The following STXBP5 variants were observed in gnomAD, a reference collection of about 807,000 sequenced individuals.
STXBP5 encodes syntaxin binding protein 5.
In STXBP5, 50 loss-of-function variants were observed where a neutral mutation model predicts 152.4. The observed-to-expected ratio is 0.33, with a 90% CI of 0.26 to 0.42. The LOEUF is 0.42. STXBP5 is among the 10% of genes least tolerant of loss of function. The pLI, the probability that STXBP5 is intolerant of heterozygous loss-of-function variation, is 1.00. For synonymous variants in STXBP5, 492 were observed against 494.7 expected, an observed-to-expected ratio of 0.99 and a Z score of 0.07; for missense variants, 1,167 against 1,388.6, an observed-to-expected ratio of 0.84 and a Z score of 2.54.
chr6:147,278,266 A>AGTTTGCATTCTGATTTGTTT, intron 8 of STXBP5, 62 bp downstream of exon 8: 2 of 1,424,292 alleles, frequency 1.4e-6, no homozygotes, highest in Non-Finnish European at 1.9e-6. Context: ...GTTTTGTTTG[A>AGTTTGCATTCTGATTTGTTT]GTTTGCATTC....
At chr6:147,367,824 A>G (rs1338799768) in intron 25 of STXBP5, among the ~76,000 whole-genome samples, 1 of 152,196 alleles carries the variant, frequency 6.6e-6, no homozygotes, top group Non-Finnish European at 1.5e-5. Context: ...CAGTAATAAG[A>G]GAAGTCTCAT....
At chr6:147,313,862 T>G (rs548212687) in intron 11 of STXBP5, 22 bp from the exon 12 acceptor site, 1 of 1,447,514 alleles carries the variant, frequency 6.9e-7, no homozygotes, top group African/African-American at 1.4e-5. Context: ...TAATAAATAC[T>G]TTTCTTTTTC....
At position 147,273,820 on chromosome 6, in the gene STXBP5, T is replaced by A. The variant is rs546937394; in HGVS notation, c.715-4261T>A. Among the ~76,000 whole-genome samples the A allele has an allele frequency of 1.1e-4, 17 of 151,872 alleles. No individual in the cohort carries two copies. The East Asian group carries it at 2.5e-3, about 23-fold the overall frequency. On this transcript the variant is annotated intron_variant, in intron 7 of 27. Transcript: ENST00000321680. ...CAAAAAAACTAGCCAGGTGTGGTGG[T>A]GGGCACCTGTAGTCCCAGCTACTCG...
At chr6:147,354,851 C>T (rs1359374646) in intron 22 of STXBP5, among the ~76,000 whole-genome samples, 6 of 152,046 alleles carry the variant, frequency 3.9e-5, no homozygotes, top group African/African-American at 1.4e-4. Context: ...TGTAACATTC[C>T]TGTGTTGCCT....
chr6:147,361,070 A>C (rs934827578), intron 23 of STXBP5, among the ~76,000 whole-genome samples: 9 of 152,206 alleles, frequency 5.9e-5, no homozygotes, highest in African/African-American at 2.2e-4. Context: ...TGATATTCTT[A>C]CTAATCTCAG....
chr6:147,299,861 G>A (rs1781717824), intron 9 of STXBP5, among the ~76,000 whole-genome samples: 1 of 152,014 alleles, frequency 6.6e-6, no homozygotes, highest in Non-Finnish European at 1.5e-5. Flanking sequence ...TTGGAAAGGA[G>A]AGAGTCAAAT....
intron 9 of STXBP5, among the ~76,000 whole-genome samples, chr6:147,308,300 T>C (rs995248793): frequency 6.6e-6 from 1 of 152,194 alleles, no homozygotes; most frequent in Non-Finnish European, 1.5e-5. Flanking sequence ...GCTGAGAGGT[T>C]GAAACACTGA....
chr6:147,336,376 T>A (rs1039086), intron 19 of STXBP5, among the ~76,000 whole-genome samples: 74,790 of 151,832 alleles, frequency 0.49, 18,760 homozygotes, highest in Middle Eastern at 0.57. Context: ...GGGTTAATTG[T>A]CTTACTCTGT....
At chr6:147,230,798 A>G (rs1416398347) in intron 2 of STXBP5, among the ~76,000 whole-genome samples, 1 of 151,858 alleles carries the variant, frequency 6.6e-6, no homozygotes, top group Non-Finnish European at 1.5e-5. Context: ...GCCTTGGGCA[A>G]GTTACTTAAA....
intron 26 of STXBP5, among the ~76,000 whole-genome samples, chr6:147,374,271 T>G (rs1785704468): frequency 6.6e-6 from 1 of 152,232 alleles, no homozygotes; most frequent in Admixed American, 6.5e-5. Context: ...TTTAGTACCT[T>G]CCACGTAGTT....
At chr6:147,310,458 T>C (rs1048859087) in intron 10 of STXBP5, among the ~76,000 whole-genome samples, 1 of 152,184 alleles carries the variant, frequency 6.6e-6, no homozygotes, top group Non-Finnish European at 1.5e-5. Context: ...AAGAAACATT[T>C]TAAAATTCTG....
At chr6:147,349,022 T>C (rs891439105) in intron 21 of STXBP5, among the ~76,000 whole-genome samples, 2 of 152,122 alleles carry the variant, frequency 1.3e-5, no homozygotes, top group African/African-American at 2.4e-5. Flanking sequence ...CCAAATTTGC[T>C]ATGAAAACAC....
intron 9 of STXBP5, 28 bp downstream of exon 9, chr6:147,291,200 C>A: frequency 6.3e-7 from 1 of 1,580,200 alleles, no homozygotes; most frequent in Non-Finnish European, 8.7e-7. Flanking sequence ...TGCCAATGTT[C>A]ATTGTATATA....
intron 11 of STXBP5, among the ~76,000 whole-genome samples, chr6:147,313,584 T>A (rs1379240617): frequency 6.6e-6 from 1 of 152,158 alleles, no homozygotes; most frequent in Non-Finnish European, 1.5e-5. Flanking sequence ...AAGCCTTTGT[T>A]CTTCAGTAAA....
At position 147,325,032 on chromosome 6, in the gene STXBP5, G is replaced by A. The variant is rs1783171270; in HGVS notation, c.1876G>A (p.Gly626Arg). ...AGTTATTCAGTTGGTTTGGGTGGGT[G>A]GAGAACCACCACAACAAATAACCAG... is the stretch of plus-strand genomic sequence containing the variant. ...ELVIQLVWVG[G>R]EPPQQITSLA... Residue 626 changes from glycine to arginine, a missense_variant, in exon 17 of 28, where the codon GGA becomes AGA. This residue lies in a region of STXBP5 where 833 missense variants were observed against 986.3 expected (regional missense o/e 0.84). Coordinates refer to ENST00000321680, the MANE Select transcript of STXBP5 (RefSeq NM_001127715.4). 4.4e-6 allele frequency: 7 copies of A among 1,594,350 alleles called. No homozygotes were observed. The highest frequency in any genetic ancestry group is 1.1e-5 in the South Asian group (1 of 88,326).
chr6:147,267,055 A>T, intron 6 of STXBP5, 29 bp from the exon 7 acceptor site: 2 of 1,548,362 alleles, frequency 1.3e-6, no homozygotes. Context: ...TATCATTCCT[A>T]GGTAATGTGC....
At chr6:147,294,062 T>C (rs1781402221) in intron 9 of STXBP5, among the ~76,000 whole-genome samples, 1 of 152,234 alleles carries the variant, frequency 6.6e-6, no homozygotes, top group African/African-American at 2.4e-5. Flanking sequence ...AAACCAGATG[T>C]TCTCTAGCAT....
intron 2 of STXBP5, among the ~76,000 whole-genome samples, chr6:147,231,335 G>T (rs1262681757): frequency 2.0e-5 from 3 of 151,810 alleles, no homozygotes; most frequent in African/African-American, 7.2e-5. Context: ...AAATACGCCA[G>T]TGATAATGGT....
At chr6:147,312,052 A>C (rs910091123) in intron 11 of STXBP5, among the ~76,000 whole-genome samples, 1 of 152,178 alleles carries the variant, frequency 6.6e-6, no homozygotes, top group African/African-American at 2.4e-5. Context: ...TCTTCTCACT[A>C]GTGTCTATTC....
Sources: allele counts gnomAD v4.1 joint callset (sites outside exome capture counted in the v4.1 genomes callset), GRCh38; gene constraint gnomAD v4.1.1; regional missense constraint gnomAD v4.1.1; transcripts MANE v1.5; gene names NCBI Gene and HGNC (gene_info 2026-07-23, HGNC 2026-07-21).